Variants in FLG observed in about 807,000 individuals in gnomAD.
FLG encodes the protein filaggrin, also known as epidermal filaggrin.
Under a neutral mutation model 3.8 loss-of-function variants are expected in FLG, and 6 were observed. That is an observed-to-expected ratio of 1.60 (90% CI 0.87 to 3.15). FLG has a LOEUF of 3.15. Among genes scored for constraint, FLG ranks in the 30% most tolerant of loss-of-function variants. The probability of loss-of-function intolerance (pLI) is 0.00; values close to 1 mark genes in which losing one functional copy is unlikely to be tolerated. For missense variants in FLG, 7,595 were observed against 5,050.9 expected, an observed-to-expected ratio of 1.50 and a Z score of -15.27; for synonymous variants, 2,551 against 1,931.6, an observed-to-expected ratio of 1.32 and a Z score of -8.41.
chr1:152,307,622 C>A lies in FLG; in HGVS notation c.7264G>T (p.Glu2422Ter), dbSNP rs374588791. The stretch of plus-strand genomic sequence containing the variant: ...CGTCCATGGGCGGACTCAGACTGTT[C>A]ATGAGTGCTCACCTGGTAGAGGAAA... ...GSFLYQVSTHEQSESAHGRTG... is the reference protein window; with the variant it reads ...GSFLYQVSTH The change falls in exon 3 of 3, where the codon GAA becomes TAA. Residue 2422 changes from glutamate to a stop codon, truncating the protein, a stop_gained. Transcript: ENST00000368799. LOFTEE classifies it low-confidence loss of function (END_TRUNC). 99 of 1,613,684 alleles carry A rather than the reference C, an allele frequency of 6.1e-5. No individual in the cohort carries two copies. The East Asian group carries it at 2.1e-3, about 33-fold the overall frequency.
At position 152,303,046 on chromosome 1, in the gene FLG, C is replaced by G. The variant is rs771010160; in HGVS notation, c.11840G>C (p.Arg3947Pro). 6.2e-7 allele frequency: 1 copy of G among 1,614,174 alleles called. No individual in the cohort carries two copies. The highest frequency in any genetic ancestry group is 8.5e-7 in the Non-Finnish European group (1 of 1,180,032). Residue 3947 changes from arginine (R) to proline (P), a missense_variant, in exon 3 of 3, where the codon CGT becomes CCT. Transcript: ENST00000368799. ...AGAACTAGAACTGTGAGGACTGCCA[C>G]GTGACTGTATTCCTGAGTGATACGC... The part of the protein sequence containing the change: ...DSAYHSGIQS[R>P]GSPHSSSSYH...
In FLG at chr1:152,305,241, C is replaced by T. The variant is rs9436066; in HGVS notation, c.9645G>A (p.Val3215=). 27 of 1,611,974 alleles carry T rather than the reference C, an allele frequency of 1.7e-5. No individual in the cohort carries two copies. The highest frequency in any genetic ancestry group is 2.2e-5 in the Non-Finnish European group (26 of 1,179,708). ...SRRSRRQGSS[V]SQDSDSEGHS... ...GTCCCTCACTGTCACTGTCCTGGCT[C>T]ACACTGGATCCCTGGCGCCTGCTTC... Residue 3215 remains valine, a synonymous_variant, in exon 3 of 3, where the codon GTG becomes GTA. Coordinates refer to ENST00000368799, the MANE Select transcript of FLG (RefSeq NM_002016.2).
rs1273578749 is a variant in FLG at position 152,307,320 on chromosome 1, T to C, written c.7566A>G (p.Gln2522=). 13 of 1,613,244 alleles carry C rather than the reference T, an allele frequency of 8.1e-6. No individual in the cohort carries two copies. The Admixed American group carries it at 2.0e-4, about 25-fold the overall frequency. ...CTGAGTGCCTGGAGCCGTCTCCTGA[T>C]TGTTCATCGTTACGAGTTTGTCTGC... ...SASRQTRNDE[Q]SGDGSRHSGS... The change falls in exon 3 of 3, where the codon CAA becomes CAG. Residue 2522 remains glutamine, a synonymous_variant. Coordinates refer to ENST00000368799, the MANE Select transcript of FLG (RefSeq NM_002016.2).
chr1:152,312,789 C>G lies in FLG; in HGVS notation c.2097G>C (p.Gln699His). The change falls in exon 3 of 3, where the codon CAG becomes CAC. Residue 699 changes from glutamine (Q) to histidine (H), a missense_variant. Transcript: ENST00000368799. ...SSGQAASSHEQARSSAGERHG... is the reference protein window; with the variant it reads ...SSGQAASSHEHARSSAGERHG... Reference sequence around the variant, plus strand: ...GTCTTTCTCCTGCACTTGATCTTGCCTGTTCATGGGATGACGCAGCCTGTC... The same window carrying G: ...GTCTTTCTCCTGCACTTGATCTTGCGTGTTCATGGGATGACGCAGCCTGTC... 6.2e-7 allele frequency: 1 copy of G among 1,614,078 alleles called. No homozygotes were observed. The highest frequency in any genetic ancestry group is 1.1e-5 in the South Asian group (1 of 91,078).
rs748893057 is a variant in FLG at position 152,304,525 on chromosome 1, A to T, written c.10361T>A (p.Val3454Glu). ...GGACCCTGAGTGTCCAGACCTATCTACCGATTGCTCGTAGTGGGATCCCTG... is the reference window on the plus strand; with the variant it reads ...GGACCCTGAGTGTCCAGACCTATCTTCCGATTGCTCGTAGTGGGATCCCTG... Reference protein sequence around the residue: ...GRQGSHYEQSVDRSGHSGSHH... With the variant: ...GRQGSHYEQSEDRSGHSGSHH... Residue 3454 changes from valine (V) to glutamate (E), a missense_variant, in exon 3 of 3, where the codon GTA (valine) becomes GAA (glutamate). Transcript: ENST00000368799. 6.2e-7 allele frequency: 1 copy of T among 1,612,050 alleles called. No individual in the cohort carries two copies. The highest frequency in any genetic ancestry group is 8.5e-7 in the Non-Finnish European group (1 of 1,179,352).
Position 152,303,660 on chromosome 1 carries a change from T to G in FLG, c.11226A>C (p.Ala3742=), listed in dbSNP as rs748088767. ...GGRQGSRHEQ[A]RDSSRHSASQ... ...ACGCTGAGTGCCTGGAGCTGTCTCGTGCCTGCTCGTGGCGGGATCCTTGTC... is the reference window on the plus strand; with the variant it reads ...ACGCTGAGTGCCTGGAGCTGTCTCGGGCCTGCTCGTGGCGGGATCCTTGTC... Residue 3742 remains alanine, a synonymous_variant, in exon 3 of 3, where the codon GCA becomes GCC. Coordinates refer to ENST00000368799, the MANE Select transcript of FLG (RefSeq NM_002016.2). 1 of 1,613,882 alleles carries G rather than the reference T, an allele frequency of 6.2e-7. No individual in the cohort carries two copies. Among genetic ancestry groups the G allele is most frequent in the African/African-American group, 1.3e-5 (1 of 74,922 alleles).
rs941557313 is a variant in FLG, at chr1:152,302,529, A to G, written c.*171T>C. ...TATTTCTGAAATATAGCGTTTAAAG[A>G]TCATTACACAATAAAAATAAGCTAC... On this transcript the variant is annotated 3_prime_UTR_variant, in exon 3 of 3. Coordinates refer to ENST00000368799, the MANE Select transcript of FLG (RefSeq NM_002016.2). 51 of 802,448 alleles carry G rather than the reference A, an allele frequency of 6.4e-5. No individual in the cohort carries two copies. The highest frequency in any genetic ancestry group is 3.7e-4 in the Middle Eastern group (1 of 2,678). The allele number at this position is 802,448 out of a possible 1,614,324, so 49.7% of individuals were successfully genotyped here.
In FLG at chr1:152,315,405, A is replaced by G. The variant is rs1283132171; in HGVS notation, c.52T>C (p.Tyr18His). Residue 18 changes from tyrosine to histidine, a missense_variant, in exon 2 of 3, where the codon TAT becomes CAT. Coordinates refer to ENST00000368799, the MANE Select transcript of FLG (RefSeq NM_002016.2). ...TCAGTGTTTTTATCTTTTTTTGAAT[A>G]TTGCTTGAAAAGATTAATTATGGCA... ...IFAIINLFKQ[Y>H]SKKDKNTDTL... 4 of 1,611,664 alleles carry G rather than the reference A, an allele frequency of 2.5e-6. No homozygotes were observed. In the Admixed American group the frequency reaches 5.0e-5, roughly 20 times the overall value.
rs188394023 is a variant in FLG, at chr1:152,309,752, G to C, written c.5134C>G (p.Arg1712Gly). The C allele has an allele frequency of 5.0e-6, 8 of 1,613,820 alleles. No individual in the cohort carries two copies. Among genetic ancestry groups the C allele is most frequent in the South Asian group, 1.1e-5 (1 of 91,072 alleles). Residue 1712 changes from arginine (R) to glycine (G), a missense_variant, in exon 3 of 3, where the codon CGA becomes GGA. Physicochemically the swap from Arg to Gly is moderately radical, Grantham distance 125 (BLOSUM62 -2). Transcript: ENST00000368799. ...CTGGCCTGGCTACCACTGGACCCTC[G>C]GTTTCCACTGTCTCCGACTACAGAT... ...DSSVVGDSGN[R>G]GSSGSQASDS...
In FLG at chr1:152,303,575, CCT is replaced by C; in HGVS notation, c.11309_11310del (p.Gln3770ArgfsTer10). ...GHPGSRRGGR[Q>X]GSYHEQSVDR... The stretch of plus-strand genomic sequence containing the variant: ...TCTACCGATTGCTCGTGGTAGGATC[CCT>C]GTCTTCCTCCTCTCCTTGACCCCGG... On this transcript the variant is annotated frameshift_variant, in exon 3 of 3. Coordinates refer to ENST00000368799, the MANE Select transcript of FLG (RefSeq NM_002016.2). LOFTEE classifies it low-confidence loss of function (END_TRUNC). 1 of 1,614,062 alleles carries C rather than the reference CCT, an allele frequency of 6.2e-7. No homozygotes were observed. Among genetic ancestry groups the C allele is most frequent in the Non-Finnish European group, 8.5e-7 (1 of 1,180,008 alleles).
At chr1:152,322,421 C>T (rs1439334262) in intron 1 of FLG, among the ~76,000 whole-genome samples, 3 of 150,962 alleles carry the variant, frequency 2.0e-5, no homozygotes, top group Non-Finnish European at 4.5e-5. Flanking sequence ...AAACATGCTT[C>T]TGGTTATAAG....
At position 152,313,299 on chromosome 1, in the gene FLG, T is replaced by C. The variant is rs755108765; in HGVS notation, c.1587A>G (p.Gly529=). ...HPGSSRGGRQ[G]SHHEQSVNRS... ...TATTTACCGATTGCTCGTGGTGGGA[T>C]CCCTGCCTTCCTCCTCTGCTTGACC... Residue 529 remains glycine (G), a synonymous_variant, in exon 3 of 3, where the codon GGA becomes GGG. Transcript: ENST00000368799. The C allele has an allele frequency of 3.7e-5, 60 of 1,613,418 alleles. No individual in the cohort carries two copies. The highest frequency in any genetic ancestry group is 1.2e-4 in the Admixed American group (7 of 59,958).
chr1:152,306,307 T>G lies in FLG; in HGVS notation c.8579A>C (p.Glu2860Ala). 1 of 1,603,782 alleles carries G rather than the reference T, an allele frequency of 6.2e-7. No individual in the cohort carries two copies. Among genetic ancestry groups the G allele is most frequent in the Non-Finnish European group, 8.5e-7 (1 of 1,180,046 alleles). ...GSRHSGSRHH[E>A]ASTHADISRH... Reference sequence around the variant, plus strand: ...AGAGATGTCGGCATGAGTGGAAGCTTCATGGTGACGCGACCCTGAGTGCCT... The same window carrying G: ...AGAGATGTCGGCATGAGTGGAAGCTGCATGGTGACGCGACCCTGAGTGCCT... Residue 2860 changes from glutamate (E) to alanine (A), a missense_variant, in exon 3 of 3, where the codon GAA (glutamate) becomes GCA (alanine). Glu to Ala is a moderately radical substitution (Grantham distance 107). Coordinates refer to ENST00000368799, the MANE Select transcript of FLG (RefSeq NM_002016.2).
rs1475369060 is a variant in FLG at position 152,310,457 on chromosome 1, A to G, written c.4429T>C (p.Ser1477Pro). 4.3e-6 allele frequency: 7 copies of G among 1,613,124 alleles called. No individual in the cohort carries two copies. Among genetic ancestry groups the G allele is most frequent in the Non-Finnish European group, 5.9e-6 (7 of 1,179,710 alleles). ...CCGTCTTGGGATGCTGAGTGCCTAG[A>G]GCTGTTTCGTGCCTGCTCATGGCGG... Reference protein sequence around the residue: ...GSRHEQARNSSRHSASQDGQD... With the variant: ...GSRHEQARNSPRHSASQDGQD... The change falls in exon 3 of 3, where the codon TCT becomes CCT. Residue 1477 changes from serine to proline, a missense_variant. Physicochemically the swap from Ser to Pro is moderately conservative, Grantham distance 74. Transcript: ENST00000368799.
Position 152,303,463 on chromosome 1 carries a change from C to T in FLG, c.11423G>A (p.Ser3808Asn), listed in dbSNP as rs557568945. 1.9e-6 allele frequency: 3 copies of T among 1,613,974 alleles called. No individual in the cohort carries two copies. The African/African-American group carries it at 4.0e-5, about 22-fold the overall frequency. ...DASHGQSGSRSASRETRNEEQ... is the reference protein window; with the variant it reads ...DASHGQSGSRNASRETRNEEQ... ...CTCATTACGTGTTTCTCTGCTTGCA[C>T]TTCTGGATCCTGACTGCCCATGGGA... The change falls in exon 3 of 3, where the codon AGT becomes AAT. Residue 3808 changes from serine (S) to asparagine (N), a missense_variant. Ser to Asn is a conservative substitution (Grantham distance 46). Coordinates refer to ENST00000368799, the MANE Select transcript of FLG (RefSeq NM_002016.2).
rs780178855 is a variant in FLG at position 152,302,671 on chromosome 1, C to G, written c.*29G>C. ...AGTGAACTTGCTTCATTCTTCTATT[C>G]TTGGATTAATTCCTTTGCCATTAAT... On this transcript the variant is annotated 3_prime_UTR_variant, in exon 3 of 3. Coordinates refer to ENST00000368799, the MANE Select transcript of FLG (RefSeq NM_002016.2). The G allele has an allele frequency of 1.2e-6, 2 of 1,611,748 alleles. No individual in the cohort carries two copies. The highest frequency in any genetic ancestry group is 1.7e-6 in the Non-Finnish European group (2 of 1,179,020).
Position 152,307,360 on chromosome 1 carries a change from C to G in FLG, c.7526G>C (p.Gly2509Ala), listed in dbSNP as rs775311965. 1.9e-6 allele frequency: 3 copies of G among 1,612,972 alleles called. No homozygotes were observed. The South Asian group carries it at 3.3e-5, about 18-fold the overall frequency. Residue 2509 changes from glycine to alanine, a missense_variant, in exon 3 of 3, where the codon GGA becomes GCA. Transcript: ENST00000368799. ...AGTTTGTCTGCTTGCACTTCTGGAT[C>G]CTGAGTGCCCATGGGAGGCATCAGA... is the stretch of plus-strand genomic sequence containing the variant. ...GRSDASHGHS[G>A]SRSASRQTRN...
chr1:152,307,373 G>A lies in FLG; in HGVS notation c.7513C>T (p.His2505Tyr). ...TTSQGRSDAS[H>Y]GHSGSRSASR... ...GCACTTCTGGATCCTGAGTGCCCAT[G>A]GGAGGCATCAGACCTTCCCTGGGAT... is the stretch of plus-strand genomic sequence containing the variant. The change falls in exon 3 of 3, where the codon CAT becomes TAT. Residue 2505 changes from histidine (H) to tyrosine (Y), a missense_variant. Coordinates refer to ENST00000368799, the MANE Select transcript of FLG (RefSeq NM_002016.2). 3.1e-6 allele frequency: 5 copies of A among 1,613,198 alleles called. No individual in the cohort carries two copies. Among genetic ancestry groups the A allele is most frequent in the South Asian group, 1.1e-5 (1 of 91,030 alleles).
Position 152,312,307 on chromosome 1 carries a change from G to A in FLG, c.2579C>T (p.Ser860Leu), listed in dbSNP as rs201661720. The stretch of plus-strand genomic sequence containing the variant: ...CCCTGAGTGTCCAGACCTATCTACC[G>A]ATTGCTCGTGGTGGGACCCCTGCCT... ...RGRQGSHHEQ[S>L]VDRSGHSGSH... Residue 860 changes from serine to leucine, a missense_variant, in exon 3 of 3, where the codon TCG becomes TTG. Physicochemically the swap from Ser to Leu is moderately radical, Grantham distance 145. Transcript: ENST00000368799. 30 of 1,613,436 alleles carry A rather than the reference G, an allele frequency of 1.9e-5. No individual in the cohort carries two copies. In the East Asian group the frequency reaches 2.7e-4, roughly 14 times the overall value.
Sources: gnomAD v4.1 joint callset for allele counts (sites outside exome capture counted in the v4.1 genomes callset) on GRCh38, gnomAD v4.1.1 for gene constraint, MANE v1.5 for transcripts, NCBI Gene and HGNC (gene_info 2026-07-23, HGNC 2026-07-21) for gene names.